Variants in TTC12 observed in about 807,000 individuals in gnomAD.
The protein encoded by TTC12 is tetratricopeptide repeat protein 12.
TTC12 carries 70 observed loss-of-function variants against 90.1 expected under a neutral mutation model. That is an observed-to-expected ratio of 0.78 (90% CI 0.64 to 0.95). The LOEUF (loss-of-function observed/expected upper bound fraction) is 0.95, where lower values mean the gene tolerates loss of function less well. Among genes scored for constraint, TTC12 ranks in the 40% least tolerant of loss-of-function variants. The pLI is 0.00. For missense variants in TTC12, 819 were observed against 846.1 expected, an observed-to-expected ratio of 0.97 and a Z score of 0.40; for synonymous variants, 296 against 311.5, an observed-to-expected ratio of 0.95 and a Z score of 0.53.
intron 16 of TTC12, among the ~76,000 whole-genome samples, chr11:113,353,965 G>A (rs2552512): frequency 8.5e-4 from 129 of 152,190 alleles, no homozygotes; most frequent in African/African-American, 2.9e-3. Flanking sequence ...GGTTCCATAC[G>A]AATTTTAAAA....
intron 9 of TTC12, 107 bp downstream of exon 9, chr11:113,338,941 G>T: frequency 1.0e-6 from 1 of 983,700 alleles, no homozygotes. Flanking sequence ...AGGCAGCGGC[G>T]GATCCTCTTT....
chr11:113,316,296 T>TA lies in TTC12; in HGVS notation c.44dup (p.Asn15LysfsTer4). ...AAGAGAAAGATTTGCAGAAATTTCT[T>TA]AAAAATGTGGATGAAATCTGTAAGT... On this transcript the variant is annotated frameshift_variant, in exon 2 of 22. Coordinates refer to ENST00000529221, the MANE Select transcript of TTC12 (RefSeq NM_017868.4). LOFTEE classifies it high-confidence loss of function. 6.8e-7 allele frequency: 1 copy of TA among 1,470,038 alleles called. No homozygotes were observed. Among genetic ancestry groups the TA allele is most frequent in the Admixed American group, 2.3e-5 (1 of 43,878 alleles). 91.1% of individuals were successfully genotyped at this position (1,470,038 alleles called of 1,614,324 possible).
At chr11:113,343,399 T>A (rs1948784938) in intron 12 of TTC12, among the ~76,000 whole-genome samples, 1 of 152,230 alleles carries the variant, frequency 6.6e-6, no homozygotes, top group Non-Finnish European at 1.5e-5. Flanking sequence ...ACAAGAGTAA[T>A]TATAGGTGAA....
intron 13 of TTC12, 87 bp downstream of exon 13, chr11:113,344,527 GT>G: frequency 1.5e-6 from 2 of 1,346,644 alleles, no homozygotes; most frequent in Non-Finnish European, 2.1e-6. Flanking sequence ...TCCTATCTCT[GT>G]TGTGTGACTT....
At chr11:113,361,651 CT>C (rs1949932586) in intron 18 of TTC12, among the ~76,000 whole-genome samples, 1 of 152,152 alleles carries the variant, frequency 6.6e-6, no homozygotes, top group African/African-American at 2.4e-5. Context: ...ATTTTTCTTT[CT>C]AGTATACGGG....
At chr11:113,323,223 C>A in intron 2 of TTC12, 65 bp from the exon 3 acceptor site, 1 of 1,288,040 alleles carries the variant, frequency 7.8e-7, no homozygotes, top group Non-Finnish European at 1.0e-6. Flanking sequence ...ATGCACCATC[C>A]TTTCTAGTGA....
chr11:113,342,159 C>G (rs1464205238), intron 12 of TTC12, among the ~76,000 whole-genome samples: 5 of 152,204 alleles, frequency 3.3e-5, no homozygotes, highest in African/African-American at 1.2e-4. Flanking sequence ...CCTCTCTCCT[C>G]TCCTCCTGCT....
chr11:113,333,415 T>C (rs782248391), intron 7 of TTC12, among the ~76,000 whole-genome samples: 1 of 152,202 alleles, frequency 6.6e-6, no homozygotes, highest in Non-Finnish European at 1.5e-5. Flanking sequence ...TTTTCTTCCA[T>C]TGATTTTTTT....
chr11:113,371,327 A>G (rs1160273959), downstream of TTC12: 3 of 152,204 alleles, frequency 2.0e-5, no homozygotes, highest in African/African-American at 7.2e-5. Context: ...AACACAATGT[A>G]AATTCTATGT....
At chr11:113,351,320 A>T (rs1310556688) in intron 15 of TTC12, 21 bp downstream of exon 15, 1 of 1,609,816 alleles carries the variant, frequency 6.2e-7, no homozygotes, top group African/African-American at 1.3e-5. Flanking sequence ...TGTCATTTTC[A>T]TCCTCTGTAA....
chr11:113,360,231 C>T (rs1481288365), intron 18 of TTC12, among the ~76,000 whole-genome samples: 2 of 152,124 alleles, frequency 1.3e-5, no homozygotes, highest in African/African-American at 4.8e-5. Context: ...CTTGCTGTGT[C>T]CGTCATCTGT....
chr11:113,342,973 G>A (rs1171688809), intron 12 of TTC12, among the ~76,000 whole-genome samples: 7 of 152,164 alleles, frequency 4.6e-5, no homozygotes, highest in Non-Finnish European at 1.0e-4. Context: ...TATCGTTTCT[G>A]TGAACCTTAA....
intron 6 of TTC12, among the ~76,000 whole-genome samples, chr11:113,326,051 T>C (rs1015964398): frequency 1.3e-5 from 2 of 152,208 alleles, no homozygotes; most frequent in East Asian, 3.8e-4. Context: ...TAGTCTTAAC[T>C]CCTAGCGGAT....
chr11:113,371,088 T>A (rs12805699), downstream of TTC12, among the ~76,000 whole-genome samples: 56,194 of 151,990 alleles, frequency 0.37, 12,990 homozygotes, highest in Non-Finnish European at 0.53. Context: ...ATAGTGAGAA[T>A]TATTGGAACA....
intron 8 of TTC12, among the ~76,000 whole-genome samples, chr11:113,335,954 G>T (rs1198286975): frequency 6.6e-6 from 1 of 152,102 alleles, no homozygotes; most frequent in Non-Finnish European, 1.5e-5. Flanking sequence ...GGAATAGCAG[G>T]GCCGTATGGT....
chr11:113,339,515 G>A, intron 10 of TTC12, 41 bp downstream of exon 10: 1 of 1,543,068 alleles, frequency 6.5e-7, no homozygotes, highest in South Asian at 1.2e-5. Flanking sequence ...TGCTGTCAGT[G>A]TGAAGGGACA....
In TTC12 at chr11:113,365,033, T is replaced by C; in HGVS notation, c.2015T>C (p.Leu672Pro). Residue 672 changes from leucine (L) to proline (P), a missense_variant, in exon 21 of 22, where the codon CTG (leucine) becomes CCG (proline). By Grantham distance (98) the Leu-to-Pro change is moderately conservative (BLOSUM62 -3). Transcript: ENST00000529221. ...TAVQVNAGIA[L>P]GKLCTAEPRF... Reference sequence around the variant, plus strand: ...GTGCAGGTGAACGCAGGCATTGCTCTGGGGAAGCTGTGCACAGCTGAGCCC... The same window carrying C: ...GTGCAGGTGAACGCAGGCATTGCTCCGGGGAAGCTGTGCACAGCTGAGCCC... 6.2e-7 allele frequency: 1 copy of C among 1,614,128 alleles called. No homozygotes were observed. The highest frequency in any genetic ancestry group is 2.2e-5 in the East Asian group (1 of 44,876).
At chr11:113,315,281 C>T (rs183991906) in intron 1 of TTC12, 1 of 152,254 alleles carries the variant, frequency 6.6e-6, no homozygotes, top group Admixed American at 6.5e-5. Flanking sequence ...TAGTTTCTCT[C>T]TTACTGTTCC....
intron 16 of TTC12, 111 bp from the exon 17 acceptor site, chr11:113,359,252 T>C: frequency 1.5e-6 from 1 of 676,192 alleles, no homozygotes; most frequent in East Asian, 2.5e-5. Context: ...GTTCATGACA[T>C]TGGCAATTTA....
Sources: gnomAD v4.1 joint callset for allele counts (sites outside exome capture counted in the v4.1 genomes callset) on GRCh38, gnomAD v4.1.1 for gene constraint, MANE v1.5 for transcripts, NCBI Gene and HGNC (gene_info 2026-07-23, HGNC 2026-07-21) for gene names.